PDE2A: variants seen among roughly 807,000 people sequenced by gnomAD.
PDE2A encodes the protein phosphodiesterase 2A, also known as cGMP-dependent 3',5'-cyclic phosphodiesterase.
A neutral mutation model predicts 133.6 loss-of-function variants in PDE2A; 53 were observed. The observed-to-expected ratio is 0.40, with a 90% confidence interval of 0.32 to 0.50. PDE2A has a LOEUF of 0.50. PDE2A is among the 20% of genes least tolerant of loss of function. PDE2A has a pLI of 0.73. For missense variants in PDE2A, 796 were observed against 1,232.4 expected (o/e 0.65, Z 5.30); for synonymous variants, 491 against 490.2 (o/e 1.00, Z -0.02).
intron 25 of PDE2A, 107 bp downstream of exon 25, chr11:72,580,470 A>G: frequency 1.2e-6 from 1 of 859,666 alleles, no homozygotes; most frequent in Non-Finnish European, 1.9e-6. Context: ...CAGCTCTCGC[A>G]GCCTGTCTGG....
chr11:72,599,844 C>A (rs964817352), intron 4 of PDE2A, among the ~76,000 whole-genome samples: 4 of 152,200 alleles, frequency 2.6e-5, no homozygotes, highest in Non-Finnish European at 4.4e-5. Flanking sequence ...AACGTACAGA[C>A]CCACGCTTCA....
intron 2 of PDE2A, among the ~76,000 whole-genome samples, chr11:72,634,516 C>A (rs1282938455): frequency 1.3e-5 from 2 of 152,186 alleles, no homozygotes; most frequent in Non-Finnish European, 2.9e-5. Flanking sequence ...GGTCTGTGAA[C>A]CTACCAGGCA....
At chr11:72,635,193 C>T (rs1858619654) in intron 2 of PDE2A, among the ~76,000 whole-genome samples, 4 of 152,156 alleles carry the variant, frequency 2.6e-5, no homozygotes, top group Admixed American at 2.0e-4. Flanking sequence ...TGTACACACA[C>T]CAGTTCTGTT....
At chr11:72,586,456 C>T (rs1855979294) in intron 13 of PDE2A, among the ~76,000 whole-genome samples, 1 of 152,112 alleles carries the variant, frequency 6.6e-6, no homozygotes, top group Admixed American at 6.5e-5. Flanking sequence ...GGTCTCCTCC[C>T]TCAGACTAGA....
intron 1 of PDE2A, among the ~76,000 whole-genome samples, chr11:72,655,173 CTG>C (rs1259961330): frequency 6.6e-6 from 1 of 152,356 alleles, no homozygotes; most frequent in African/African-American, 2.4e-5. Flanking sequence ...CACTCAGAGA[CTG>C]TGCTGCTGCC....
At chr11:72,591,061 T>C (rs960094133) in intron 7 of PDE2A, 1 of 517,300 alleles carries the variant, frequency 1.9e-6, no homozygotes, top group Non-Finnish European at 3.4e-6. Flanking sequence ...TTACAAGATA[T>C]TTGACCAGTT....
chr11:72,577,296 G>A lies in PDE2A; in HGVS notation c.*88C>T, dbSNP rs532139429. On this transcript the variant is annotated 3_prime_UTR_variant, in exon 31 of 31. Coordinates refer to ENST00000334456, the MANE Select transcript of PDE2A (RefSeq NM_002599.5). ...CAGGAAGTCCTGGTCTAGGACCCAG[G>A]ACCCGTGGCTCTGTTCCCAGTGCAT... 1.0e-6 allele frequency: 1 copy of A among 972,596 alleles called. No homozygotes were observed. Among genetic ancestry groups the A allele is most frequent in the East Asian group, 2.5e-5 (1 of 40,734 alleles). 60.2% of individuals were successfully genotyped at this position (972,596 alleles called of 1,614,324 possible).
Position 72,578,614 on chromosome 11 carries a change from T to C in PDE2A, c.2470-100A>G. 1.9e-6 allele frequency: 2 copies of C among 1,058,774 alleles called. No homozygotes were observed. The highest frequency in any genetic ancestry group is 2.9e-6 in the Non-Finnish European group (2 of 684,922). 65.6% of individuals were successfully genotyped at this position (1,058,774 alleles called of 1,614,324 possible). A position where few individuals can be genotyped will look rare whatever the true frequency, so the allele number is the denominator to read the frequency against. ...AGGAGAGAAAACTGAGGCCCAGGGA[T>C]TCAGTCCCAGCTCAGGAGCCGTCCC... On this transcript the variant is annotated intron_variant, in intron 28 of 30. Coordinates refer to ENST00000334456, the MANE Select transcript of PDE2A (RefSeq NM_002599.5). This position sits in a 1 kb window ranked among gnomAD's most constrained non-coding sequence, Gnocchi z 4.2.
chr11:72,588,728 C>A lies in PDE2A; in HGVS notation c.1070+56G>T, dbSNP rs924363565. The A allele has an allele frequency of 1.0e-5, 16 of 1,537,430 alleles. No individual in the cohort carries two copies. The African/African-American group carries it at 1.5e-4, about 14-fold the overall frequency. On this transcript the variant is annotated intron_variant, in intron 13 of 30. Transcript: ENST00000334456. ...ATCCCACATTGTTACCCTCGTGGAGCCCTAGCCAGCCTCTCAGTGACATCT... is the reference window on the plus strand; with the variant it reads ...ATCCCACATTGTTACCCTCGTGGAGACCTAGCCAGCCTCTCAGTGACATCT...
intron 2 of PDE2A, among the ~76,000 whole-genome samples, chr11:72,624,016 G>A (rs1358448921): frequency 1.4e-5 from 2 of 142,800 alleles, no homozygotes; most frequent in African/African-American, 5.3e-5. Flanking sequence ...TTTTTGAGAT[G>A]GTATTTCACT....
intron 1 of PDE2A, among the ~76,000 whole-genome samples, chr11:72,646,249 G>A (rs1859124529): frequency 6.6e-6 from 1 of 152,122 alleles, no homozygotes; most frequent in Non-Finnish European, 1.5e-5. Context: ...TGGGTCCTGG[G>A]CCCACTCAAC....
chr11:72,620,915 C>T (rs780359071), intron 2 of PDE2A, among the ~76,000 whole-genome samples: 84 of 152,078 alleles, frequency 5.5e-4, no homozygotes, highest in Non-Finnish European at 6.2e-4. Context: ...ACACCTCACT[C>T]AGCGCACCTT....
rs58387586 is a variant in PDE2A at position 72,645,107 on chromosome 11, C to G, written c.72-2781G>C. 6.5e-3 allele frequency among the ~76,000 whole-genome samples: 997 copies of G among 152,326 alleles called. 13 individuals carry two copies. Among genetic ancestry groups the G allele is most frequent in the African/African-American group, 0.023 (952 of 41,574 alleles). On this transcript the variant is annotated intron_variant, in intron 1 of 30. Transcript: ENST00000334456. ...AATCTCTCAAACTACAGCTCAATGACTGGGGTCCCTGGTGTGTGCTCTATG... is the reference window on the plus strand; with the variant it reads ...AATCTCTCAAACTACAGCTCAATGAGTGGGGTCCCTGGTGTGTGCTCTATG...
intron 1 of PDE2A, among the ~76,000 whole-genome samples, chr11:72,647,190 A>G (rs1859150640): frequency 6.6e-6 from 1 of 152,068 alleles, no homozygotes; most frequent in Non-Finnish European, 1.5e-5. Flanking sequence ...CCTATCCCCC[A>G]TGACCACATG....
intron 20 of PDE2A, 32 bp downstream of exon 20, chr11:72,583,406 G>T (rs374787686): frequency 1.6e-5 from 24 of 1,488,390 alleles, no homozygotes; most frequent in African/African-American, 1.4e-5. Flanking sequence ...GGGGAATCTG[G>T]GAGGAGGACC....
chr11:72,627,817 G>A (rs1858161462), intron 2 of PDE2A, among the ~76,000 whole-genome samples: 1 of 152,242 alleles, frequency 6.6e-6, no homozygotes, highest in Admixed American at 6.5e-5. Context: ...CCATCACAAA[G>A]AGGGCATTGA....
intron 2 of PDE2A, among the ~76,000 whole-genome samples, chr11:72,621,246 G>A (rs2135396232): frequency 6.6e-6 from 1 of 152,214 alleles, no homozygotes; most frequent in South Asian, 2.1e-4. Flanking sequence ...TTCAGAGAAG[G>A]GAGGAGCTCG....
intron 22 of PDE2A, 60 bp downstream of exon 22, chr11:72,581,817 G>T: frequency 1.4e-6 from 2 of 1,474,692 alleles, no homozygotes; most frequent in Non-Finnish European, 1.9e-6. Flanking sequence ...CGGGGGCAAC[G>T]GATGTGACAG....
rs539588268 is a variant in PDE2A, at chr11:72,581,283, C to A, written c.2045+74G>T. ...GGCAGTGCGTGTAAAGTGCCTGACA[C>A]ACAGGGGGTGCTTCCCTGTCCCAGG... On this transcript the variant is annotated intron_variant, in intron 23 of 30. Coordinates refer to ENST00000334456, the MANE Select transcript of PDE2A (RefSeq NM_002599.5). The A allele has an allele frequency of 4.2e-4, 610 of 1,466,560 alleles. 2 individuals are homozygous for A. The highest frequency in any genetic ancestry group is 5.1e-5 in the Non-Finnish European group (55 of 1,069,738). The allele number at this position is 1,466,560 out of a possible 1,614,324, so 90.8% of individuals were successfully genotyped here.
Sources: allele counts gnomAD v4.1 joint callset (sites outside exome capture counted in the v4.1 genomes callset), GRCh38; gene constraint gnomAD v4.1.1; non-coding constraint Gnocchi (gnomAD v3.1); transcripts MANE v1.5; gene names NCBI Gene and HGNC (gene_info 2026-07-23, HGNC 2026-07-21).